The following DGKI variants were observed in gnomAD, a reference collection of about 807,000 sequenced individuals.
DGKI encodes DAG kinase iota.
In DGKI, 55 loss-of-function variants were observed where a neutral mutation model predicts 147.5. The ratio of observed to expected loss-of-function variants is 0.37; its 90% CI spans 0.30 to 0.47. DGKI has a LOEUF of 0.47. DGKI is among the 20% of genes least tolerant of loss of function. The probability of loss-of-function intolerance (pLI) is 1.00; values close to 1 mark genes in which losing one functional copy is unlikely to be tolerated. For synonymous variants in DGKI, 469 were observed against 477.1 expected (o/e 0.98, Z 0.22); for missense variants, 1,007 against 1,323.8 (o/e 0.76, Z 3.71).
At chr7:137,762,172 G>A (rs1194445229) in intron 1 of DGKI, among the ~76,000 whole-genome samples, 4 of 152,066 alleles carry the variant, frequency 2.6e-5, no homozygotes, top group Admixed American at 6.5e-5. Context: ...GTTCATTCCC[G>A]ATATTAAATC....
At chr7:137,839,446 CTTGAGTAT>C (rs1798485781) in intron 1 of DGKI, among the ~76,000 whole-genome samples, 2 of 152,318 alleles carry the variant, frequency 1.3e-5, no homozygotes, top group South Asian at 4.1e-4. Flanking sequence ...CTTAACTGGA[CTTGAGTAT>C]AGATAATACC....
At chr7:137,711,684 C>CTTTTTTTTTT (rs71177918) in intron 1 of DGKI, among the ~76,000 whole-genome samples, 1 of 79,726 alleles carries the variant, frequency 1.3e-5, no homozygotes, top group Non-Finnish European at 2.3e-5. Flanking sequence ...GGGATACCAA[C>CTTTTTTTTTT]TTTTTTTTTT....
intron 21 of DGKI, among the ~76,000 whole-genome samples, chr7:137,499,478 T>C (rs1417251365): frequency 6.6e-6 from 1 of 152,126 alleles, no homozygotes; most frequent in Non-Finnish European, 1.5e-5. Flanking sequence ...AGACCCACCC[T>C]TGTCAATGTG....
intron 1 of DGKI, among the ~76,000 whole-genome samples, chr7:137,783,660 C>T (rs1158005931): frequency 1.3e-5 from 2 of 152,164 alleles, no homozygotes; most frequent in Non-Finnish European, 2.9e-5. Context: ...AGATCATTGC[C>T]TAGGCACATA....
chr7:137,711,797 G>A (rs1289803591), intron 1 of DGKI, among the ~76,000 whole-genome samples: 3 of 148,298 alleles, frequency 2.0e-5, no homozygotes, highest in Admixed American at 6.8e-5. Context: ...GGGTTTAAGC[G>A]ATTCTCCTGC....
chr7:137,456,011 TTGG>T (rs1256858773), intron 27 of DGKI, among the ~76,000 whole-genome samples: 1 of 152,156 alleles, frequency 6.6e-6, no homozygotes, highest in Non-Finnish European at 1.5e-5. Flanking sequence ...AACAAGAGTG[TTGG>T]TGGAAGTTGG....
chr7:137,604,749 T>C (rs999063902), intron 10 of DGKI, among the ~76,000 whole-genome samples: 1 of 152,084 alleles, frequency 6.6e-6, no homozygotes, highest in Non-Finnish European at 1.5e-5. Flanking sequence ...TCTAGGTCAC[T>C]GGAAGAGAAA....
intron 20 of DGKI, among the ~76,000 whole-genome samples, chr7:137,535,659 T>A (rs1483477723): frequency 6.6e-6 from 1 of 152,148 alleles, no homozygotes; most frequent in African/African-American, 2.4e-5. Context: ...TGAAAAGTGC[T>A]GAGTGGTAAG....
chr7:137,657,782 A>G (rs560461698), intron 3 of DGKI, among the ~76,000 whole-genome samples: 5 of 152,220 alleles, frequency 3.3e-5, no homozygotes, highest in Non-Finnish European at 7.4e-5. Flanking sequence ...AGAAGAAATA[A>G]AGCATTGCTG....
intron 21 of DGKI, among the ~76,000 whole-genome samples, chr7:137,489,731 T>G (rs1028131182): frequency 6.6e-6 from 1 of 152,154 alleles, no homozygotes; most frequent in Admixed American, 6.5e-5. Context: ...GCTTAATATT[T>G]CCTTTTAATA....
chr7:137,494,959 C>T (rs768242096), intron 21 of DGKI, among the ~76,000 whole-genome samples: 2 of 151,874 alleles, frequency 1.3e-5, no homozygotes, highest in African/African-American at 2.4e-5. Context: ...AAAACATCTA[C>T]CAAGCAGATA....
intron 21 of DGKI, among the ~76,000 whole-genome samples, chr7:137,506,572 G>A (rs1816375633): frequency 6.6e-6 from 1 of 152,130 alleles, no homozygotes; most frequent in Admixed American, 6.5e-5. Context: ...TGGCAAAAGA[G>A]TGAATCCTAA....
chr7:137,626,620 T>A (rs1585301772), intron 6 of DGKI, among the ~76,000 whole-genome samples: 1 of 151,774 alleles, frequency 6.6e-6, no homozygotes, highest in African/African-American at 2.4e-5. Context: ...CTCCTCATCA[T>A]CCCCCAAGCC....
At chr7:137,515,561 T>C (rs1194263468) in intron 21 of DGKI, among the ~76,000 whole-genome samples, 4 of 152,152 alleles carry the variant, frequency 2.6e-5, no homozygotes, top group Non-Finnish European at 1.5e-5. Context: ...AAGACTGACA[T>C]GTAAATTTTT....
chr7:137,464,152 GA>G (rs916389674), intron 26 of DGKI, among the ~76,000 whole-genome samples: 4 of 151,042 alleles, frequency 2.6e-5, no homozygotes, highest in African/African-American at 9.7e-5. Context: ...AGCTACCCAT[GA>G]GGCTGAGGCA....
At chr7:137,688,161 T>C (rs1311765964) in intron 2 of DGKI, among the ~76,000 whole-genome samples, 1 of 152,228 alleles carries the variant, frequency 6.6e-6, no homozygotes, top group South Asian at 2.1e-4. Flanking sequence ...TCCAGTGACG[T>C]CCTCATTTCC....
At chr7:137,605,485 C>T (rs1279672550) in intron 10 of DGKI, among the ~76,000 whole-genome samples, 3 of 151,954 alleles carry the variant, frequency 2.0e-5, no homozygotes, top group Admixed American at 6.6e-5. Context: ...CCAGTGTCAT[C>T]GCTACCTTAA....
At position 137,517,252 on chromosome 7, in the gene DGKI, A is replaced by AAGAAAGAAAG. The variant is rs1554421179; in HGVS notation, c.2248+4613_2248+4614insCTTTCTTTCT. 1.2e-3 allele frequency among the ~76,000 whole-genome samples: 153 copies of AAGAAAGAAAG among 129,070 alleles called. 1 individual carries two copies. The highest frequency in any genetic ancestry group is 5.1e-3 in the African/African-American group (142 of 27,846). The allele number at this position is 129,070 out of a possible 152,430, so 84.7% of individuals were successfully genotyped here. A position where few individuals can be genotyped will look rare whatever the true frequency, so the allele number is the denominator to read the frequency against. ...AAGAAAGAAAGAAAGAAAGAAAAGA[A>AAGAAAGAAAG]AAAGAAAGAAAGAAAGAAAGAAAAG... On this transcript the variant is annotated intron_variant, in intron 21 of 32. Transcript: ENST00000614521.
chr7:137,423,032 T>A (rs1051937853), intron 28 of DGKI, among the ~76,000 whole-genome samples: 1 of 152,234 alleles, frequency 6.6e-6, no homozygotes, highest in South Asian at 2.1e-4. Context: ...AGATTTTTTT[T>A]AAGAAGTTCT....
Sources: gnomAD v4.1 joint callset for allele counts (sites outside exome capture counted in the v4.1 genomes callset) on GRCh38, gnomAD v4.1.1 for gene constraint, MANE v1.5 for transcripts, NCBI Gene and HGNC (gene_info 2026-07-23, HGNC 2026-07-21) for gene names.